The following PHKB variants were observed in gnomAD, a reference collection of about 807,000 sequenced individuals.
PHKB encodes phosphorylase kinase regulatory subunit beta.
A neutral mutation model predicts 152.1 loss-of-function variants in PHKB; 122 were observed. That is an observed-to-expected ratio of 0.80 (90% confidence interval 0.69 to 0.93). PHKB has a LOEUF of 0.93. Among genes scored for constraint, PHKB ranks in the 40% least tolerant of loss-of-function variants. The pLI, the probability that PHKB is intolerant of heterozygous loss-of-function variation, is 0.00. For missense variants in PHKB, 1,304 were observed against 1,328.4 expected (o/e 0.98, Z 0.29); for synonymous variants, 436 against 464.9 (o/e 0.94, Z 0.80).
chr16:47,570,957 C>CT (rs1002018011), intron 7 of PHKB, among the ~76,000 whole-genome samples: 2 of 150,922 alleles, frequency 1.3e-5, no homozygotes, highest in South Asian at 2.1e-4. Flanking sequence ...TGACTGGGTT[C>CT]TTTTTTTTTC....
At chr16:47,535,175 C>G (rs1352548489) in intron 6 of PHKB, among the ~76,000 whole-genome samples, 1 of 152,178 alleles carries the variant, frequency 6.6e-6, no homozygotes, top group East Asian at 1.9e-4. Context: ...TTAATCAGCA[C>G]TTACCTTCAT....
chr16:47,626,670 C>A (rs2151718054), intron 14 of PHKB, among the ~76,000 whole-genome samples: 1 of 152,304 alleles, frequency 6.6e-6, no homozygotes, highest in East Asian at 1.9e-4. Context: ...TCTGGGACTG[C>A]CACTAACTTG....
At chr16:47,627,549 T>C (rs1972732421) in intron 14 of PHKB, among the ~76,000 whole-genome samples, 1 of 152,208 alleles carries the variant, frequency 6.6e-6, no homozygotes. Flanking sequence ...TTTGAAACAA[T>C]GTGTTTGAGG....
Position 47,461,373 on chromosome 16 carries a change from C to A in PHKB, c.23C>A (p.Thr8Lys). Residue 8 changes from threonine (T) to lysine (K), a missense_variant, in exon 1 of 31, where the codon ACG (threonine) becomes AAG (lysine). Thr to Lys is a moderately conservative substitution (Grantham distance 78, BLOSUM62 -1). Transcript: ENST00000323584. MAGAAGL[T>K]AEVSWKVLER... is the part of the protein sequence containing the mutation. Reference sequence around the variant, plus strand: ...GCGATGGCGGGGGCGGCGGGACTCACGGCAGAAGTGAGCTGGAAGGTCTTG... The same window carrying A: ...GCGATGGCGGGGGCGGCGGGACTCAAGGCAGAAGTGAGCTGGAAGGTCTTG... 1 of 1,612,266 alleles carries A rather than the reference C, an allele frequency of 6.2e-7. No homozygotes were observed. The highest frequency in any genetic ancestry group is 2.2e-5 in the East Asian group (1 of 44,820).
chr16:47,624,061 A>G (rs889409748), intron 14 of PHKB, among the ~76,000 whole-genome samples: 1 of 152,208 alleles, frequency 6.6e-6, no homozygotes, highest in Non-Finnish European at 1.5e-5. Context: ...TAATTTTTGT[A>G]TATTTTCATG....
chr16:47,578,018 TTTTC>T (rs1252546607), intron 7 of PHKB, among the ~76,000 whole-genome samples: 1 of 152,158 alleles, frequency 6.6e-6, no homozygotes, highest in Non-Finnish European at 1.5e-5. Context: ...TTCCATTCTA[TTTTC>T]TTTGTTTTGA....
At position 47,461,358 on chromosome 16, in the gene PHKB, G is replaced by A; in HGVS notation, c.8G>A (p.Gly3Glu). 1 of 1,610,544 alleles carries A rather than the reference G, an allele frequency of 6.2e-7. No homozygotes were observed. The highest frequency in any genetic ancestry group is 8.5e-7 in the Non-Finnish European group (1 of 1,179,052). The change falls in exon 1 of 31, where the codon GGG (glycine) becomes GAG (glutamate). Residue 3 changes from glycine to glutamate, a missense_variant. Coordinates refer to ENST00000323584, the MANE Select transcript of PHKB (RefSeq NM_000293.3). MA[G>E]AAGLTAEVSW... The stretch of plus-strand genomic sequence containing the variant: ...GGCGGCGACCGGAGCGCGATGGCGG[G>A]GGCGGCGGGACTCACGGCAGAAGTG...
At position 47,616,598 on chromosome 16, in the gene PHKB, T is replaced by C. The variant is rs182259221; in HGVS notation, c.1458+5678T>C. 4.8e-3 allele frequency among the ~76,000 whole-genome samples: 694 copies of C among 145,442 alleles called. 14 individuals are homozygous for C. In the East Asian group the frequency reaches 0.071, roughly 15 times the overall value. Reference sequence around the variant, plus strand: ...CATATAAATATCATATATTAATATATAATATTTTACATATAAATATCATAT... The same window carrying C: ...CATATAAATATCATATATTAATATACAATATTTTACATATAAATATCATAT... On this transcript the variant is annotated intron_variant, in intron 14 of 30. Coordinates refer to ENST00000323584, the MANE Select transcript of PHKB (RefSeq NM_000293.3).
At chr16:47,672,986 C>G (rs1159598996) in intron 26 of PHKB, among the ~76,000 whole-genome samples, 1 of 152,106 alleles carries the variant, frequency 6.6e-6, no homozygotes, top group Non-Finnish European at 1.5e-5. Context: ...TCCTGAAACT[C>G]ATTCTGGAAT....
At chr16:47,647,902 GTATAA>G (rs1165718515) in intron 16 of PHKB, among the ~76,000 whole-genome samples, 1 of 152,102 alleles carries the variant, frequency 6.6e-6, no homozygotes, top group East Asian at 1.9e-4. Context: ...ATTGACCTGT[GTATAA>G]TATGAGTATA....
chr16:47,525,504 C>G (rs895972831), intron 6 of PHKB, among the ~76,000 whole-genome samples: 2 of 152,122 alleles, frequency 1.3e-5, no homozygotes, highest in Non-Finnish European at 2.9e-5. Context: ...CAAAACACAT[C>G]TTGTACAAAA....
chr16:47,556,666 T>A (rs947994218), intron 7 of PHKB, among the ~76,000 whole-genome samples: 1 of 152,192 alleles, frequency 6.6e-6, no homozygotes, highest in Non-Finnish European at 1.5e-5. Context: ...CTGGATTCGG[T>A]TTGCCAGTAT....
chr16:47,694,036 A>G (rs1974107260), intron 28 of PHKB, among the ~76,000 whole-genome samples: 1 of 152,202 alleles, frequency 6.6e-6, no homozygotes, highest in African/African-American at 2.4e-5. Context: ...CTAAGAAACA[A>G]TGGGGCCTAG....
At chr16:47,675,402 T>G (rs1290998333) in intron 26 of PHKB, among the ~76,000 whole-genome samples, 1 of 151,984 alleles carries the variant, frequency 6.6e-6, no homozygotes, top group Non-Finnish European at 1.5e-5. Context: ...CCCATGACAT[T>G]TGGAGAACAG....
Position 47,660,834 on chromosome 16 carries a change from C to A in PHKB, c.2196+15C>A. ...AAAAACTGAATGTGAGACAGATGCACTTCCCACATGGCCCTAAGTGAGGTT... is the reference window on the plus strand; with the variant it reads ...AAAAACTGAATGTGAGACAGATGCAATTCCCACATGGCCCTAAGTGAGGTT... On this transcript the variant is annotated intron_variant, in intron 22 of 30. Transcript: ENST00000323584. 1 of 1,613,214 alleles carries A rather than the reference C, an allele frequency of 6.2e-7. No homozygotes were observed. Among genetic ancestry groups the A allele is most frequent in the Non-Finnish European group, 8.5e-7 (1 of 1,179,248 alleles).
chr16:47,488,456 T>G (rs572976660), intron 1 of PHKB, among the ~76,000 whole-genome samples: 1 of 152,340 alleles, frequency 6.6e-6, no homozygotes, highest in East Asian at 1.9e-4. Flanking sequence ...AGGTTCCAAT[T>G]GTCAATTTTT....
chr16:47,596,781 T>C (rs1396225439), intron 13 of PHKB, among the ~76,000 whole-genome samples: 1 of 152,188 alleles, frequency 6.6e-6, no homozygotes, highest in Admixed American at 6.5e-5. Flanking sequence ...TGCATTTGGC[T>C]TACTATATAG....
chr16:47,644,024 G>C (rs958243315), intron 16 of PHKB, among the ~76,000 whole-genome samples: 7 of 152,132 alleles, frequency 4.6e-5, no homozygotes, highest in African/African-American at 1.7e-4. Context: ...ACCCTGGAAT[G>C]TGGGGAGCAC....
At chr16:47,566,378 T>C in intron 7 of PHKB, 2 of 1,534,418 alleles carry the variant, frequency 1.3e-6, no homozygotes, top group Middle Eastern at 2.3e-4. Context: ...TATCCTGTGC[T>C]TGATCAGCAA....
Sources: gnomAD v4.1 joint callset for allele counts (sites outside exome capture counted in the v4.1 genomes callset) on GRCh38, gnomAD v4.1.1 for gene constraint, MANE v1.5 for transcripts, NCBI Gene and HGNC (gene_info 2026-07-23, HGNC 2026-07-21) for gene names.